Variants in ZNF469 observed in about 807,000 individuals in gnomAD.
ZNF469 encodes zinc finger protein 469.
In ZNF469, 1 loss-of-function variant was observed where a neutral mutation model predicts 1.0. The ratio of observed to expected loss-of-function variants is 1.00; its 90% CI spans 0.35 to 4.73. ZNF469 has a LOEUF of 4.73. ZNF469 is among the 30% of genes most tolerant of loss of function. The pLI is 0.16. For missense variants in ZNF469, 6,100 were observed against 5,356.3 expected (o/e 1.14, Z -4.33); for synonymous variants, 2,703 against 2,363.4 (o/e 1.14, Z -4.17).
chr16:88,330,016 A>G, the ZNF469 span, among the ~76,000 whole-genome samples: 2 of 152,248 alleles, frequency 1.3e-5, no homozygotes, highest in Non-Finnish European at 2.9e-5. Context: ...CAGTCACAAA[A>G]GGCCACATCC....
the ZNF469 span, among the ~76,000 whole-genome samples, chr16:88,119,335 C>T: frequency 4.6e-3 from 694 of 152,364 alleles, 5 homozygotes; most frequent in Non-Finnish European, 8.3e-3. Context: ...AAAGCCACAT[C>T]CCTCAGTGCA....
At position 88,434,121 on chromosome 16, in the gene ZNF469, G is replaced by A. The variant is rs924712683; in HGVS notation, c.6651G>A (p.Gly2217=). The A allele has an allele frequency of 2.2e-5, 34 of 1,550,332 alleles. No homozygotes were observed. The highest frequency in any genetic ancestry group is 1.7e-4 in the Middle Eastern group (1 of 5,992). ...CCCTGGCTGGTTGCCTTCTCCAGGG[G>A]GAGGGCAGCCCCCTGGAAGACCCTT... ...KEALAGCLLQ[G]EGSPLEDPSS... Residue 2217 remains glycine, a synonymous_variant, in exon 3 of 3, where the codon GGG becomes GGA. Coordinates refer to ENST00000565624, the MANE Select transcript of ZNF469 (RefSeq NM_001367624.2).
chr16:88,422,062 T>G (rs1597202195), intron 1 of ZNF469, among the ~76,000 whole-genome samples: 1 of 137,884 alleles, frequency 7.3e-6, no homozygotes, highest in Admixed American at 7.1e-5. Context: ...GATGAATGGG[T>G]AGAAGGGTGG....
the ZNF469 span, among the ~76,000 whole-genome samples, chr16:88,212,119 A>G: frequency 1.3e-5 from 2 of 152,202 alleles, no homozygotes; most frequent in Middle Eastern, 3.4e-3. Flanking sequence ...GTTGCCTGCT[A>G]TTTTTGTCTG....
chr16:88,306,510 C>A, the ZNF469 span, among the ~76,000 whole-genome samples: 6 of 152,208 alleles, frequency 3.9e-5, no homozygotes, highest in Non-Finnish European at 8.8e-5. Context: ...GTGGGAAGCC[C>A]TCAGGAAGAT....
the ZNF469 span, among the ~76,000 whole-genome samples, chr16:88,208,645 A>G: frequency 1.5e-5 from 2 of 131,774 alleles, no homozygotes; most frequent in African/African-American, 2.8e-5. Flanking sequence ...GAGAAGAAGG[A>G]AGAAGAGATG....
chr16:88,241,684 C>T, the ZNF469 span, among the ~76,000 whole-genome samples: 1 of 152,200 alleles, frequency 6.6e-6, no homozygotes, highest in Non-Finnish European at 1.5e-5. This position sits in a 1 kb window ranked among gnomAD's most constrained non-coding sequence, Gnocchi z 4.8. Flanking sequence ...CACCTTGTAC[C>T]CCTGGGATGC....
the ZNF469 span, among the ~76,000 whole-genome samples, chr16:88,111,960 C>G: frequency 1.3e-5 from 2 of 152,276 alleles, no homozygotes; most frequent in East Asian, 3.9e-4. Context: ...TTCTTTCCAT[C>G]CCTTGATTAT....
chr16:88,180,500 G>A, the ZNF469 span, among the ~76,000 whole-genome samples: 8 of 152,124 alleles, frequency 5.3e-5, no homozygotes, highest in East Asian at 1.9e-4. Context: ...GGCCAGGCGC[G>A]GTGGCTCACA....
chr16:88,264,494 G>T, the ZNF469 span, among the ~76,000 whole-genome samples: 1 of 142,874 alleles, frequency 7.0e-6, no homozygotes, highest in Non-Finnish European at 1.5e-5. Context: ...CTCCCCACCT[G>T]TGCATGTTCA....
the ZNF469 span, among the ~76,000 whole-genome samples, chr16:88,205,714 A>G: frequency 6.6e-6 from 1 of 152,120 alleles, no homozygotes; most frequent in African/African-American, 2.4e-5. This position sits in a 1 kb window ranked among gnomAD's most constrained non-coding sequence, Gnocchi z 4.2. Flanking sequence ...TGGTGTAGTG[A>G]CGAGGTGTCA....
chr16:88,399,466 A>T (rs1904792755), intron 1 of ZNF469, among the ~76,000 whole-genome samples: 1 of 152,130 alleles, frequency 6.6e-6, no homozygotes, highest in African/African-American at 2.4e-5. Flanking sequence ...TTACACAAGC[A>T]GATGCCCGTG....
the ZNF469 span, among the ~76,000 whole-genome samples, chr16:88,229,899 G>T: frequency 6.6e-6 from 1 of 152,136 alleles, no homozygotes; most frequent in Non-Finnish European, 1.5e-5. Context: ...GCTCTCCCAG[G>T]GGCACGGGGC....
At position 88,435,926 on chromosome 16, in the gene ZNF469, A is replaced by G. The variant is rs1358614799; in HGVS notation, c.8456A>G (p.Gln2819Arg). ...GACAGCACCACCAGCAGCTGCCTCCAGGGCCTCCCGGACAACCCAGACACC... is the reference window on the plus strand; with the variant it reads ...GACAGCACCACCAGCAGCTGCCTCCGGGGCCTCCCGGACAACCCAGACACC... ...PADSTTSSCL[Q>R]GLPDNPDTQG... The change falls in exon 3 of 3, where the codon CAG becomes CGG. Residue 2819 changes from glutamine (Q) to arginine (R), a missense_variant. Gln to Arg is a conservative substitution (Grantham distance 43, BLOSUM62 1). Coordinates refer to ENST00000565624, the MANE Select transcript of ZNF469 (RefSeq NM_001367624.2). The G allele has an allele frequency of 1.9e-6, 3 of 1,550,060 alleles. No individual in the cohort carries two copies. Among genetic ancestry groups the G allele is most frequent in the East Asian group, 4.9e-5 (2 of 40,914 alleles).
upstream of ZNF469, among the ~76,000 whole-genome samples, chr16:88,381,356 A>G (rs1237050259): frequency 4.1e-5 from 6 of 148,088 alleles, no homozygotes; most frequent in East Asian, 2.1e-4. Flanking sequence ...ACACACTTAT[A>G]CACACATGCA....
the ZNF469 span, among the ~76,000 whole-genome samples, chr16:88,125,291 A>G: frequency 1.3e-5 from 2 of 152,158 alleles, no homozygotes; most frequent in Admixed American, 1.3e-4. Context: ...ATGTCTTCTA[A>G]ATTTGTTCTT....
the ZNF469 span, among the ~76,000 whole-genome samples, chr16:88,132,301 T>G: frequency 1.3e-5 from 2 of 152,384 alleles, no homozygotes; most frequent in African/African-American, 4.8e-5. Flanking sequence ...ACGCTCTCTC[T>G]GTCCTCCCCA....
the ZNF469 span, among the ~76,000 whole-genome samples, chr16:88,335,477 C>T: frequency 1.3e-5 from 2 of 152,212 alleles, no homozygotes; most frequent in Admixed American, 6.5e-5. Context: ...CCCCACAGGG[C>T]CACTCTGGCA....
chr16:88,295,854 T>C, the ZNF469 span, among the ~76,000 whole-genome samples: 2 of 152,148 alleles, frequency 1.3e-5, no homozygotes, highest in African/African-American at 4.8e-5. Flanking sequence ...GACACTCTCA[T>C]CAACACAGAT....
Sources: gnomAD v4.1 joint callset for allele counts (sites outside exome capture counted in the v4.1 genomes callset) on GRCh38, gnomAD v4.1.1 for gene constraint, Gnocchi (gnomAD v3.1) non-coding constraint, MANE v1.5 for transcripts, NCBI Gene and HGNC (gene_info 2026-07-23, HGNC 2026-07-21) for gene names.